Variants in CELF2 observed in about 807,000 individuals in gnomAD.
CELF2 encodes the protein CUG triplet repeat RNA-binding protein 2.
In CELF2, 8 loss-of-function variants were observed where a neutral mutation model predicts 62.6. That is an observed-to-expected ratio of 0.13 (90% CI 0.07 to 0.23). The LOEUF (loss-of-function observed/expected upper bound fraction) is 0.23. Among genes scored for constraint, CELF2 ranks in the 10% least tolerant of loss-of-function variants. The pLI, the probability that CELF2 is intolerant of heterozygous loss-of-function variation, is 1.00. For missense variants in CELF2, 333 were observed against 671.0 expected, an observed-to-expected ratio of 0.50 and a Z score of 5.56; for synonymous variants, 258 against 250.0, an observed-to-expected ratio of 1.03 and a Z score of -0.30.
the CELF2 span, among the ~76,000 whole-genome samples, chr10:10,700,059 A>G: frequency 1.3e-5 from 2 of 152,216 alleles, no homozygotes; most frequent in South Asian, 2.1e-4. Context: ...ATTCCCAGAC[A>G]AAAGGGTTAC....
upstream of CELF2, among the ~76,000 whole-genome samples, chr10:10,797,654 C>A (rs1182815552): frequency 6.6e-6 from 1 of 152,148 alleles, no homozygotes; most frequent in African/African-American, 2.4e-5. Flanking sequence ...GCTGGCCAGC[C>A]ATGGTCCGGA....
At chr10:11,186,333 TTTAA>T (rs1271002344) in intron 2 of CELF2, among the ~76,000 whole-genome samples, 1 of 147,578 alleles carries the variant, frequency 6.8e-6, no homozygotes, top group East Asian at 2.1e-4. Flanking sequence ...TGGCTTTCAC[TTTAA>T]TTGTTATTGC....
At chr10:11,235,306 T>G (rs911135762) in intron 3 of CELF2, among the ~76,000 whole-genome samples, 1 of 152,220 alleles carries the variant, frequency 6.6e-6, no homozygotes, top group African/African-American at 2.4e-5. Context: ...GCTTTACTCC[T>G]TAACATAAAA....
At chr10:10,666,853 C>G in the CELF2 span, among the ~76,000 whole-genome samples, 9 of 133,548 alleles carry the variant, frequency 6.7e-5, 2 homozygotes, top group Admixed American at 5.5e-4. Flanking sequence ...CAGAGCGAGA[C>G]TCCGTCTCAA....
chr10:11,095,549 T>C (rs1039854268), intron 1 of CELF2, among the ~76,000 whole-genome samples: 1 of 152,250 alleles, frequency 6.6e-6, no homozygotes, highest in African/African-American at 2.4e-5. Context: ...AGCTGAGGTT[T>C]AACAGGCATA....
At chr10:10,772,536 T>C in the CELF2 span, among the ~76,000 whole-genome samples, 7 of 152,356 alleles carry the variant, frequency 4.6e-5, no homozygotes, top group African/African-American at 1.4e-4. Flanking sequence ...AGTTGCAAGG[T>C]GAATATTTGC....
In CELF2 at chr10:11,008,597, TA is replaced by T. The variant is rs1564359395; in HGVS notation, c.53+3159del. 6.6e-6 allele frequency among the ~76,000 whole-genome samples: 1 copy of T among 152,140 alleles called. No homozygotes were observed. Among genetic ancestry groups the T allele is most frequent in the Non-Finnish European group, 1.5e-5 (1 of 68,018 alleles). ...TACTAATTATTGTAATCAGGGGGGTTAATTAGGTGAAAATGTGGCTGATAAA... is the reference window on the plus strand; with the variant it reads ...TACTAATTATTGTAATCAGGGGGGTTATTAGGTGAAAATGTGGCTGATAAA... On this transcript the variant is annotated intron_variant, in intron 1 of 12. Coordinates refer to the CELF2 transcript ENST00000416382. This position sits in a 1 kb window ranked among gnomAD's most constrained non-coding sequence, Gnocchi z 4.5.
At chr10:11,040,129 G>A (rs1398684300) in intron 1 of CELF2, among the ~76,000 whole-genome samples, 1 of 152,162 alleles carries the variant, frequency 6.6e-6, no homozygotes. Flanking sequence ...AGGTAGGACA[G>A]GAGGAAGTTC....
At chr10:10,941,786 G>T (rs1220900427) in intron 2 of CELF2, among the ~76,000 whole-genome samples, 1 of 152,144 alleles carries the variant, frequency 6.6e-6, no homozygotes, top group African/African-American at 2.4e-5. Context: ...TTGAGGTCAG[G>T]AGTTTGAGAC....
At chr10:10,645,954 C>T in the CELF2 span, among the ~76,000 whole-genome samples, 1 of 152,296 alleles carries the variant, frequency 6.6e-6, no homozygotes, top group South Asian at 2.1e-4. Flanking sequence ...ATGCTAACTT[C>T]CTGTGGCTTC....
At chr10:10,580,055 G>C in the CELF2 span, among the ~76,000 whole-genome samples, 22 of 152,074 alleles carry the variant, frequency 1.4e-4, no homozygotes, top group African/African-American at 5.3e-4. Flanking sequence ...CTTCTACACA[G>C]TAATAATAGT....
intron 1 of CELF2, among the ~76,000 whole-genome samples, chr10:11,082,598 G>A (rs552210679): frequency 1.3e-5 from 2 of 152,324 alleles, no homozygotes; most frequent in Admixed American, 6.5e-5. Context: ...TCTGTAAAAT[G>A]AGGAGATTAC....
At chr10:11,095,479 A>C (rs888082627) in intron 1 of CELF2, among the ~76,000 whole-genome samples, 1 of 152,200 alleles carries the variant, frequency 6.6e-6, no homozygotes, top group East Asian at 1.9e-4. Context: ...TCGTGAGTTT[A>C]CCTGGAGCTA....
At chr10:10,951,133 A>T (rs1178414463) in intron 2 of CELF2, among the ~76,000 whole-genome samples, 1 of 152,182 alleles carries the variant, frequency 6.6e-6, no homozygotes, top group African/African-American at 2.4e-5. Context: ...CTCGGAACTC[A>T]ACTTCAGCAC....
At chr10:10,782,332 C>T in the CELF2 span, among the ~76,000 whole-genome samples, 1 of 152,142 alleles carries the variant, frequency 6.6e-6, no homozygotes, top group African/African-American at 2.4e-5. Flanking sequence ...GTATAAATCG[C>T]AGTGTGTGGC....
the CELF2 span, among the ~76,000 whole-genome samples, chr10:10,552,742 C>T: frequency 3.1e-3 from 469 of 152,288 alleles, 1 homozygote; most frequent in Non-Finnish European, 4.9e-3. Flanking sequence ...CTGCTTTTTC[C>T]TTTCTGATGT....
At chr10:10,773,501 T>C in the CELF2 span, among the ~76,000 whole-genome samples, 1 of 152,356 alleles carries the variant, frequency 6.6e-6, no homozygotes, top group African/African-American at 2.4e-5. Flanking sequence ...ATTTAAAGTT[T>C]AGCATGTTGT....
At position 11,217,789 on chromosome 10, in the gene CELF2, G is replaced by A. The variant is rs968763769; in HGVS notation, c.354+282G>A. Among the ~76,000 whole-genome samples the A allele has an allele frequency of 5.9e-5, 9 of 152,022 alleles. No homozygotes were observed. The highest frequency in any genetic ancestry group is 1.5e-4 in the African/African-American group (6 of 41,360). ...CACGGCTGCCAAAGAGTATTGGGTG[G>A]GCTAAGATTTTAAAAGGAAAAAAAA... On this transcript the variant is annotated intron_variant, in intron 3 of 12. Coordinates refer to ENST00000633077, the MANE Select transcript of CELF2 (RefSeq NM_001326342.2). This position sits in a 1 kb window ranked among gnomAD's most constrained non-coding sequence, Gnocchi z 5.6.
At chr10:11,160,020 G>T (rs1033048805) in intron 1 of CELF2, among the ~76,000 whole-genome samples, 7 of 152,218 alleles carry the variant, frequency 4.6e-5, no homozygotes, top group African/African-American at 1.7e-4. Context: ...CATAGTGTCA[G>T]TGACACCTTG....
Sources: allele counts gnomAD v4.1 joint callset (sites outside exome capture counted in the v4.1 genomes callset), GRCh38; gene constraint gnomAD v4.1.1; non-coding constraint Gnocchi (gnomAD v3.1); transcripts MANE v1.5; gene names NCBI Gene and HGNC (gene_info 2026-07-23, HGNC 2026-07-21).